The following SNAP91 variants were observed in gnomAD, a reference collection of about 807,000 sequenced individuals.
The protein encoded by SNAP91 is synaptosome associated protein 91, also known as clathrin coat assembly protein AP180.
In SNAP91, 27 loss-of-function variants were observed where a neutral mutation model predicts 100.3. The ratio of observed to expected loss-of-function variants is 0.27; its 90% CI spans 0.20 to 0.37. The LOEUF (loss-of-function observed/expected upper bound fraction) is 0.37. Among genes scored for constraint, SNAP91 ranks in the 10% least tolerant of loss-of-function variants. The probability of loss-of-function intolerance (pLI) is 1.00; values close to 1 mark genes in which losing one functional copy is unlikely to be tolerated. For missense variants in SNAP91, 986 were observed against 1,123.7 expected (o/e 0.88, Z 1.75); for synonymous variants, 404 against 398.6 (o/e 1.01, Z -0.16).
At chr6:83,575,987 C>T (rs1818069738) in intron 25 of SNAP91, 36 bp downstream of exon 25, 1 of 1,223,394 alleles carries the variant, frequency 8.2e-7, no homozygotes, top group Non-Finnish European at 1.1e-6. Context: ...ACAAATATAC[C>T]ATCAAAAGGA....
intron 22 of SNAP91, among the ~76,000 whole-genome samples, chr6:83,590,000 C>T (rs367669813): frequency 2.2e-4 from 34 of 152,232 alleles, no homozygotes; most frequent in African/African-American, 7.7e-4. Context: ...AGCACTAGCA[C>T]GGTATTTAAG....
At chr6:83,653,559 C>T (rs2098289188) in intron 7 of SNAP91, among the ~76,000 whole-genome samples, 1 of 152,038 alleles carries the variant, frequency 6.6e-6, no homozygotes, top group African/African-American at 2.4e-5. Context: ...GCCTATTAAT[C>T]ATAATTGCTT....
chr6:83,698,195 T>G (rs1440612279), intron 2 of SNAP91, among the ~76,000 whole-genome samples: 1 of 151,286 alleles, frequency 6.6e-6, no homozygotes. Flanking sequence ...AATAGGAAAA[T>G]AGGCTGGTTC....
At position 83,610,831 on chromosome 6, in the gene SNAP91, T is replaced by C. The variant is rs536369196; in HGVS notation, c.885-154A>G. ...CTAACTTGTTTTATATACAGACTTT[T>C]AAAATAATGGACAGGCTATTTTTAA... is the stretch of plus-strand genomic sequence containing the variant. On this transcript the variant is annotated intron_variant, in intron 11 of 29. Transcript: ENST00000369694. 4.7e-5 allele frequency among the ~76,000 whole-genome samples: 7 copies of C among 148,744 alleles called. No homozygotes were observed. In the East Asian group the frequency reaches 1.4e-3, roughly 29 times the overall value.
intron 14 of SNAP91, among the ~76,000 whole-genome samples, chr6:83,603,567 C>T (rs574627059): frequency 1.3e-5 from 2 of 151,304 alleles, no homozygotes; most frequent in Admixed American, 6.6e-5. Flanking sequence ...GTTCGTTTTA[C>T]TGTCTTATGG....
intron 26 of SNAP91, 150 bp from the exon 27 acceptor site, chr6:83,561,097 C>T (rs1003054093): frequency 5.3e-5 from 31 of 583,280 alleles, no homozygotes; most frequent in African/African-American, 1.2e-4. Context: ...GGCTGGAGTA[C>T]GATGGCATGA....
chr6:83,650,571 C>T (rs180872525), intron 7 of SNAP91, among the ~76,000 whole-genome samples: 3 of 152,246 alleles, frequency 2.0e-5, no homozygotes, highest in Admixed American at 6.5e-5. Context: ...GTGCCCACCA[C>T]CACACCCAGC....
In SNAP91 at chr6:83,593,551, G is replaced by A. The variant is rs758087273; in HGVS notation, c.1623C>T (p.Ala541=). 14 of 1,553,226 alleles carry A rather than the reference G, an allele frequency of 9.0e-6. No homozygotes were observed. In the South Asian group the frequency reaches 1.1e-4, roughly 12 times the overall value. ...AGGTGGTGGTAGTGGTGGTGGCAGC[G>A]GCGGTGGCAGCAGTAGTGGCAGCAG... ...AAAAATTAAT[A]AATTTTTTSA... Residue 541 remains alanine (A), a synonymous_variant, in exon 18 of 30, where the codon GCC becomes GCT. Coordinates refer to ENST00000369694, the MANE Select transcript of SNAP91 (RefSeq NM_001242792.2).
chr6:83,565,382 C>T (rs933983513), intron 26 of SNAP91, among the ~76,000 whole-genome samples: 2 of 152,084 alleles, frequency 1.3e-5, no homozygotes, highest in African/African-American at 4.8e-5. Flanking sequence ...CATATATTTG[C>T]CACCTTAGAG....
At chr6:83,573,761 G>A (rs1043564275) in intron 26 of SNAP91, among the ~76,000 whole-genome samples, 2 of 152,190 alleles carry the variant, frequency 1.3e-5, no homozygotes, top group Non-Finnish European at 2.9e-5. Context: ...GCAGAAAGCT[G>A]AAACTGGATC....
At chr6:83,709,170 C>T (rs979179701), upstream of SNAP91, 4 of 152,404 alleles carry the variant, frequency 2.6e-5, no homozygotes, top group African/African-American at 9.6e-5. Context: ...CGGACAAACC[C>T]GGACGAGCCC....
chr6:83,564,426 T>C (rs1793661188), intron 26 of SNAP91, among the ~76,000 whole-genome samples: 1 of 151,728 alleles, frequency 6.6e-6, no homozygotes, highest in Non-Finnish European at 1.5e-5. Context: ...CGGCCTCTAG[T>C]TCCCTGGCTC....
intron 2 of SNAP91, among the ~76,000 whole-genome samples, chr6:83,699,381 A>G (rs1450611796): frequency 6.6e-6 from 1 of 152,172 alleles, no homozygotes; most frequent in Non-Finnish European, 1.5e-5. Flanking sequence ...TTCAAAAACA[A>G]AAAATATAAA....
chr6:83,638,134 G>T (rs756209251), intron 8 of SNAP91, among the ~76,000 whole-genome samples: 10 of 152,154 alleles, frequency 6.6e-5, no homozygotes, highest in Non-Finnish European at 1.3e-4. Flanking sequence ...AGCGCCTTGG[G>T]GGATGGGCAC....
At chr6:83,615,865 A>G (rs986901878) in intron 10 of SNAP91, among the ~76,000 whole-genome samples, 3 of 152,302 alleles carry the variant, frequency 2.0e-5, no homozygotes, top group Admixed American at 2.0e-4. Flanking sequence ...AAATAGTTGC[A>G]TTTTGATAGC....
rs1372423894 is a variant in SNAP91, at chr6:83,605,706, C to T, written c.1120G>A (p.Gly374Arg). ...TCACCTCCCCATGCAGTGGCTCCTC[C>T]AGCAGGTGGTGGTGGTGCTGGTGCT... ...AAAPAPPPPAGGATAWGDLLG... is the reference protein window; with the variant it reads ...AAAPAPPPPARGATAWGDLLG... The change falls in exon 14 of 30, where the codon GGA (glycine) becomes AGA (arginine). Residue 374 changes from glycine to arginine, a missense_variant. Coordinates refer to ENST00000369694, the MANE Select transcript of SNAP91 (RefSeq NM_001242792.2). The T allele has an allele frequency of 3.9e-6, 6 of 1,552,184 alleles. No homozygotes were observed. The South Asian group carries it at 5.9e-5, about 15-fold the overall frequency.
intron 5 of SNAP91, among the ~76,000 whole-genome samples, chr6:83,659,425 CTT>C (rs397887198): frequency 7.8e-4 from 97 of 124,020 alleles, no homozygotes; most frequent in Admixed American, 1.4e-3. Context: ...ATGTTTTCTT[CTT>C]TTTTTTTTTT....
At chr6:83,620,328 T>C (rs1287358406) in intron 9 of SNAP91, among the ~76,000 whole-genome samples, 3 of 152,296 alleles carry the variant, frequency 2.0e-5, no homozygotes, top group African/African-American at 4.8e-5. Flanking sequence ...CCTGGCTAGA[T>C]TGAATGGCCA....
intron 8 of SNAP91, among the ~76,000 whole-genome samples, chr6:83,626,557 T>C (rs1290356981): frequency 6.6e-6 from 1 of 152,144 alleles, no homozygotes; most frequent in Non-Finnish European, 1.5e-5. Context: ...GTAGTCCTCC[T>C]TGTAGAGATC....
Sources: gnomAD v4.1 joint callset for allele counts (sites outside exome capture counted in the v4.1 genomes callset) on GRCh38, gnomAD v4.1.1 for gene constraint, MANE v1.5 for transcripts, NCBI Gene and HGNC (gene_info 2026-07-23, HGNC 2026-07-21) for gene names.